The following RSPO2 variants were observed in gnomAD, a reference collection of about 807,000 sequenced individuals.
The protein encoded by RSPO2 is R-spondin 2, also known as R-spondin-2.
RSPO2 carries 14 observed loss-of-function variants against 30.9 expected under a neutral mutation model. The observed-to-expected ratio is 0.45, with a 90% CI of 0.30 to 0.71. RSPO2 has a LOEUF of 0.71. RSPO2 is among the 30% of genes least tolerant of loss of function. The pLI is 0.08. For synonymous variants in RSPO2, 107 were observed against 96.4 expected, an observed-to-expected ratio of 1.11 and a Z score of -0.64; for missense variants, 264 against 301.9, an observed-to-expected ratio of 0.87 and a Z score of 0.93.
intron 2 of RSPO2, among the ~76,000 whole-genome samples, chr8:108,080,960 G>A (rs1295576556): frequency 6.6e-6 from 1 of 152,208 alleles, no homozygotes; most frequent in African/African-American, 2.4e-5. Flanking sequence ...AAAGGAATCA[G>A]GAGGGGAGGA....
intron 5 of RSPO2, among the ~76,000 whole-genome samples, chr8:107,951,235 T>C (rs1236027158): frequency 6.6e-6 from 1 of 152,016 alleles, no homozygotes; most frequent in Non-Finnish European, 1.5e-5. Flanking sequence ...TTTGTATTTT[T>C]AGTACAGAGT....
At chr8:108,010,154 C>T (rs915745368) in intron 2 of RSPO2, among the ~76,000 whole-genome samples, 1 of 152,056 alleles carries the variant, frequency 6.6e-6, no homozygotes, top group Non-Finnish European at 1.5e-5. Context: ...TTTTCATAAG[C>T]ATAAAGGGCT....
intron 2 of RSPO2, among the ~76,000 whole-genome samples, chr8:108,044,154 A>AAG (rs1811840273): frequency 1.1e-5 from 1 of 87,258 alleles, no homozygotes; most frequent in Non-Finnish European, 2.4e-5. Flanking sequence ...CTGTTGTCTG[A>AAG]AAAAAAAAAA....
At chr8:107,943,680 T>C (rs968388733) in intron 5 of RSPO2, among the ~76,000 whole-genome samples, 2 of 152,220 alleles carry the variant, frequency 1.3e-5, no homozygotes, top group African/African-American at 4.8e-5. Context: ...CAAAGCATAT[T>C]TGATGACTAT....
Position 108,082,643 on chromosome 8 carries a change from G to A in RSPO2, c.-5C>T. 1 of 1,613,216 alleles carries A rather than the reference G, an allele frequency of 6.2e-7. No individual in the cohort carries two copies. Among genetic ancestry groups the A allele is most frequent in the Non-Finnish European group, 8.5e-7 (1 of 1,179,278 alleles). ...GGAGAAAAGGCGAAACTGCATCTGG[G>A]CGGTCGGGCGGGGGAGAGACGCCTC... On this transcript the variant is annotated 5_prime_UTR_variant, in exon 2 of 6. Coordinates refer to ENST00000276659, the MANE Select transcript of RSPO2 (RefSeq NM_178565.5).
At chr8:108,022,249 G>GTCCCCATA (rs1811082356) in intron 2 of RSPO2, among the ~76,000 whole-genome samples, 1 of 152,016 alleles carries the variant, frequency 6.6e-6, no homozygotes, top group Non-Finnish European at 1.5e-5. Context: ...ATCTCATAAC[G>GTCCCCATA]TCTTTCTCTT....
At chr8:107,920,250 T>C (rs1367451298) in intron 5 of RSPO2, among the ~76,000 whole-genome samples, 1 of 152,170 alleles carries the variant, frequency 6.6e-6, no homozygotes, top group East Asian at 1.9e-4. Flanking sequence ...GATCATTTTA[T>C]AAAAACCTTC....
chr8:107,993,910 C>G (rs1302751918), intron 2 of RSPO2, among the ~76,000 whole-genome samples: 1 of 152,112 alleles, frequency 6.6e-6, no homozygotes, highest in Non-Finnish European at 1.5e-5. Context: ...CATTGACACT[C>G]TAATTGGATT....
chr8:107,973,008 C>T (rs1358637358), intron 3 of RSPO2, among the ~76,000 whole-genome samples: 4 of 152,182 alleles, frequency 2.6e-5, no homozygotes, highest in Non-Finnish European at 4.4e-5. Context: ...CGGTGGCTCA[C>T]GCCTGTAATC....
chr8:107,917,195 T>C (rs1405074168), intron 5 of RSPO2, among the ~76,000 whole-genome samples: 1 of 152,100 alleles, frequency 6.6e-6, no homozygotes, highest in Non-Finnish European at 1.5e-5. Context: ...GCCTTTAAAA[T>C]TTTTTTGAGG....
intron 2 of RSPO2, among the ~76,000 whole-genome samples, chr8:108,061,126 C>T (rs1398799214): frequency 6.6e-6 from 1 of 151,782 alleles, no homozygotes; most frequent in East Asian, 1.9e-4. Flanking sequence ...ACTGCATCAA[C>T]TAACAAGCAA....
At chr8:108,036,653 G>T (rs543602446) in intron 2 of RSPO2, among the ~76,000 whole-genome samples, 2 of 152,254 alleles carry the variant, frequency 1.3e-5, no homozygotes, top group East Asian at 3.9e-4. Context: ...ACTTTATTGT[G>T]CTTCACAGAT....
At chr8:108,017,637 G>A (rs1810936316) in intron 2 of RSPO2, among the ~76,000 whole-genome samples, 1 of 152,108 alleles carries the variant, frequency 6.6e-6, no homozygotes, top group Non-Finnish European at 1.5e-5. Context: ...AGAAGGCATT[G>A]GAAAGGAACA....
At chr8:108,043,438 T>C (rs1020361550) in intron 2 of RSPO2, among the ~76,000 whole-genome samples, 45 of 152,276 alleles carry the variant, frequency 3.0e-4, no homozygotes, top group African/African-American at 1.1e-3. Flanking sequence ...TCATCTGTTT[T>C]ATTTCTCTAA....
At chr8:107,954,300 G>A (rs1308392656) in intron 5 of RSPO2, among the ~76,000 whole-genome samples, 1 of 152,110 alleles carries the variant, frequency 6.6e-6, no homozygotes. Context: ...TCTTCCATGT[G>A]TCATTTAAAT....
chr8:107,917,721 T>C (rs1277306227), intron 5 of RSPO2, among the ~76,000 whole-genome samples: 1 of 152,204 alleles, frequency 6.6e-6, no homozygotes, highest in Non-Finnish European at 1.5e-5. Flanking sequence ...CTTTGGACTA[T>C]ATTTGTATAA....
chr8:108,006,738 A>G (rs1269378260), intron 2 of RSPO2, among the ~76,000 whole-genome samples: 1 of 152,208 alleles, frequency 6.6e-6, no homozygotes, highest in Non-Finnish European at 1.5e-5. Context: ...AACACTGTAT[A>G]AACACCTTAC....
chr8:107,922,273 T>C (rs1812197929), intron 5 of RSPO2, among the ~76,000 whole-genome samples: 1 of 152,112 alleles, frequency 6.6e-6, no homozygotes, highest in Admixed American at 6.6e-5. Context: ...ACAAAATCAA[T>C]GTACAAAAGT....
At chr8:107,947,439 G>A (rs958922467) in intron 5 of RSPO2, among the ~76,000 whole-genome samples, 1 of 152,046 alleles carries the variant, frequency 6.6e-6, no homozygotes, top group Non-Finnish European at 1.5e-5. Flanking sequence ...AAAAGAAAAA[G>A]AAAAAACTGT....
Sources: gnomAD v4.1 joint callset for allele counts (sites outside exome capture counted in the v4.1 genomes callset) on GRCh38, gnomAD v4.1.1 for gene constraint, MANE v1.5 for transcripts, NCBI Gene and HGNC (gene_info 2026-07-23, HGNC 2026-07-21) for gene names.